The following ENOX2 variants were observed in gnomAD, a reference collection of about 807,000 sequenced individuals.
ENOX2 encodes ecto-NOX disulfide-thiol exchanger 2.
ENOX2 carries 36 observed loss-of-function variants against 45.0 expected under a neutral mutation model. That is an observed-to-expected ratio of 0.80 (90% confidence interval 0.61 to 1.06). The LOEUF (loss-of-function observed/expected upper bound fraction) is 1.06, where lower values mean the gene tolerates loss of function less well. Among genes scored for constraint, ENOX2 ranks in the 50% least tolerant of loss-of-function variants. ENOX2 has a pLI of 0.00. For missense variants in ENOX2, 423 were observed against 462.5 expected, an observed-to-expected ratio of 0.91 and a Z score of 0.78; for synonymous variants, 174 against 152.3, an observed-to-expected ratio of 1.14 and a Z score of -1.05.
At chrX:130,890,858 G>T (rs777327945) in intron 2 of ENOX2, among the ~76,000 whole-genome samples, 2 of 112,973 alleles carry the variant, frequency 1.8e-5, no homozygotes, top group African/African-American at 6.4e-5. Flanking sequence ...CTTAGCCTCA[G>T]CTTGCTTGCC....
chrX:130,763,504 C>A (rs189824696), intron 3 of ENOX2, among the ~76,000 whole-genome samples: 2 of 110,918 alleles, frequency 1.8e-5, no homozygotes, highest in Admixed American at 9.6e-5. Flanking sequence ...GAAGTCCAGG[C>A]TCCCCAGATG....
chrX:130,812,785 T>A (rs1288085060), intron 2 of ENOX2, among the ~76,000 whole-genome samples: 2 of 111,883 alleles, frequency 1.8e-5, no homozygotes, highest in African/African-American at 6.5e-5. Context: ...AGACATTTTT[T>A]ACAAAAATCG....
chrX:130,786,472 A>G (rs1227974458), intron 2 of ENOX2, among the ~76,000 whole-genome samples: 1 of 102,065 alleles, frequency 9.8e-6, no homozygotes, highest in Non-Finnish European at 2.0e-5. Flanking sequence ...TTACATATGT[A>G]TACATGTGCC....
chrX:130,635,020 T>G lies in ENOX2; in HGVS notation c.1383A>C (p.Leu461Phe). ...GATTTTCCAACATTTTTTCCACCTGTAACTTGTCATCTTTGAGTTTTTCAA... is the reference window on the plus strand; with the variant it reads ...GATTTTCCAACATTTTTTCCACCTGGAACTTGTCATCTTTGAGTTTTTCAA... ...AELEKLKDDK[L>F]QVEKMLENLK... The change falls in exon 12 of 15, where the codon TTA becomes TTC. Residue 461 changes from leucine (L) to phenylalanine (F), a missense_variant. Leu to Phe is a conservative substitution (Grantham distance 22). This residue lies in a region of ENOX2 where 108 missense variants were observed against 70.6 expected (regional missense o/e 1.53). Transcript: ENST00000394363. 1 of 1,195,098 alleles carries G rather than the reference T, an allele frequency of 8.4e-7. No homozygotes were observed. Among genetic ancestry groups the G allele is most frequent in the Non-Finnish European group, 1.1e-6 (1 of 881,335 alleles).
intron 6 of ENOX2, among the ~76,000 whole-genome samples, chrX:130,671,648 C>T (rs2036993920): frequency 8.9e-6 from 1 of 111,898 alleles, no homozygotes; most frequent in Non-Finnish European, 1.9e-5. Flanking sequence ...AGGTAACAAT[C>T]CCTGAAAAGC....
chrX:130,778,632 C>A (rs1372833256), intron 3 of ENOX2, among the ~76,000 whole-genome samples: 1 of 112,225 alleles, frequency 8.9e-6, no homozygotes, highest in Non-Finnish European at 1.9e-5. Context: ...GAAACAATCA[C>A]CATACCAATA....
rs752239532 is a variant in ENOX2, at chrX:130,769,998, A to G, written c.-39+13549T>C. Among the ~76,000 whole-genome samples the G allele has an allele frequency of 6.2e-5, 7 of 112,284 alleles. No homozygotes were observed. In the East Asian group the frequency reaches 2.0e-3, roughly 31 times the overall value. ...TAGACATGAGACAGAACTCTTCCAG[A>G]GCTCATTCTGTGTAATCAAACACTT... On this transcript the variant is annotated intron_variant, in intron 3 of 14. Coordinates refer to ENST00000394363, the MANE Select transcript of ENOX2 (RefSeq NM_006375.4).
chrX:130,723,374 T>C (rs1047777067), intron 3 of ENOX2, among the ~76,000 whole-genome samples: 2 of 112,140 alleles, frequency 1.8e-5, no homozygotes, highest in African/African-American at 6.5e-5. Flanking sequence ...TGGGAAATCC[T>C]GGTTGGTTTT....
chrX:130,791,123 C>G (rs182497296), intron 2 of ENOX2, among the ~76,000 whole-genome samples: 159 of 111,409 alleles, frequency 1.4e-3, no homozygotes, highest in Non-Finnish European at 2.3e-3. Context: ...CGTACCTGGC[C>G]TCAGGATTTT....
intron 2 of ENOX2, among the ~76,000 whole-genome samples, chrX:130,855,082 A>G (rs1340768777): frequency 8.9e-6 from 1 of 111,759 alleles, no homozygotes; most frequent in African/African-American, 3.2e-5. Flanking sequence ...AGAAAAGGAA[A>G]CAAAAGGCAT....
chrX:130,807,730 G>C (rs927112461), intron 2 of ENOX2, among the ~76,000 whole-genome samples: 15 of 111,827 alleles, frequency 1.3e-4, no homozygotes, highest in African/African-American at 4.9e-4. Context: ...AGTGGCAATA[G>C]GTTGTGTTAT....
chrX:130,876,936 T>A (rs764813937), intron 2 of ENOX2, among the ~76,000 whole-genome samples: 54 of 112,033 alleles, frequency 4.8e-4, no homozygotes, highest in South Asian at 1.1e-3. Flanking sequence ...AAGCATAAAC[T>A]GGATTGACCA....
Position 130,635,003 on chromosome X carries a change from A to G in ENOX2, c.1400T>C (p.Leu467Ser), listed in dbSNP as rs760195440. 1.3e-5 allele frequency: 15 copies of G among 1,173,255 alleles called. No homozygotes were observed. Among genetic ancestry groups the G allele is most frequent in the Non-Finnish European group, 1.2e-5 (10 of 864,537 alleles). The change falls in exon 12 of 15, where the codon TTG becomes TCG. Residue 467 changes from leucine (L) to serine (S), a missense_variant. Physicochemically the swap from Leu to Ser is moderately radical, Grantham distance 145. Coordinates refer to ENST00000394363, the MANE Select transcript of ENOX2 (RefSeq NM_006375.4). ...KDDKLQVEKM[L>S]ENLKEKESCA... Reference sequence around the variant, plus strand: ...ATGTACCTTTTCTTTAAGATTTTCCAACATTTTTTCCACCTGTAACTTGTC... The same window carrying G: ...ATGTACCTTTTCTTTAAGATTTTCCGACATTTTTTCCACCTGTAACTTGTC...
chrX:130,864,764 A>G (rs1020506342), intron 2 of ENOX2, among the ~76,000 whole-genome samples: 1 of 112,227 alleles, frequency 8.9e-6, no homozygotes, highest in Non-Finnish European at 1.9e-5. Context: ...TTGTAATCCC[A>G]GCACTTTGGG....
intron 3 of ENOX2, among the ~76,000 whole-genome samples, chrX:130,770,936 C>G (rs1382418417): frequency 8.9e-6 from 1 of 112,288 alleles, no homozygotes; most frequent in Non-Finnish European, 1.9e-5. Flanking sequence ...GTGTACAAAG[C>G]AGCACGATCA....
intron 6 of ENOX2, among the ~76,000 whole-genome samples, chrX:130,677,102 C>T (rs2037173607): frequency 9.0e-6 from 1 of 111,716 alleles, no homozygotes; most frequent in Non-Finnish European, 1.9e-5. Context: ...CCCCATTGTC[C>T]ACAAGCAAAT....
chrX:130,769,377 A>G (rs988644256), intron 3 of ENOX2, among the ~76,000 whole-genome samples: 2 of 111,940 alleles, frequency 1.8e-5, no homozygotes, highest in African/African-American at 6.5e-5. Flanking sequence ...AAAGGACAAG[A>G]TATCTTTTTT....
rs143385647 is a variant in ENOX2, at chrX:130,891,363, T to C, written c.-183+10321A>G. 8.8e-3 allele frequency among the ~76,000 whole-genome samples: 944 copies of C among 107,687 alleles called. 12 individuals are homozygous for C. The highest frequency in any genetic ancestry group is 0.03 in the African/African-American group (891 of 29,533). 93.5% of individuals were successfully genotyped at this position (107,687 alleles called of 115,157 possible). ...CAAGTGAAAGTTACAGATGAGTTGT[T>C]TGGTCCAATAAAAGGAAAAGGAAAG... is the stretch of plus-strand genomic sequence containing the variant. On this transcript the variant is annotated intron_variant, in intron 2 of 14. Coordinates refer to ENST00000394363, the MANE Select transcript of ENOX2 (RefSeq NM_006375.4).
At chrX:130,891,751 G>A (rs1392500657) in intron 2 of ENOX2, among the ~76,000 whole-genome samples, 2 of 110,485 alleles carry the variant, frequency 1.8e-5, no homozygotes, top group Non-Finnish European at 3.8e-5. Flanking sequence ...AATATCTTAA[G>A]AATTAAAGGA....
Sources: gnomAD v4.1 joint callset for allele counts (sites outside exome capture counted in the v4.1 genomes callset) on GRCh38, gnomAD v4.1.1 for gene constraint, gnomAD v4.1.1 regional missense constraint, MANE v1.5 for transcripts, NCBI Gene and HGNC (gene_info 2026-07-23, HGNC 2026-07-21) for gene names.